The following CARS1 variants were observed in gnomAD, a reference collection of about 807,000 sequenced individuals.
CARS1 encodes the protein cysteinyl-tRNA synthetase 1.
CARS1 carries 48 observed loss-of-function variants against 106.2 expected under a neutral mutation model. The observed-to-expected ratio is 0.45, with a 90% CI of 0.36 to 0.57. The LOEUF is 0.57. Ranked by LOEUF, CARS1 falls within the 20% of genes least tolerant of loss-of-function variation. CARS1 has a pLI of 0.00. For synonymous variants in CARS1, 409 were observed against 403.4 expected (o/e 1.01, Z -0.17); for missense variants, 968 against 1,057.2 (o/e 0.92, Z 1.17).
chr11:3,041,076 T>C lies in CARS1; in HGVS notation c.367-92A>G, dbSNP rs780326843. On this transcript the variant is annotated intron_variant, in intron 3 of 22. Transcript: ENST00000380525. The surrounding 1 kb of genome is among the most constrained non-coding windows in gnomAD (Gnocchi z 4.9). ...ACAGCAACAAACATCACAGTGTGGT[T>C]TGTGTTTAGTGTAAACAATTCAACA... 5.0e-6 allele frequency: 8 copies of C among 1,602,924 alleles called. No homozygotes were observed. The highest frequency in any genetic ancestry group is 6.8e-6 in the Non-Finnish European group (8 of 1,172,912).
rs2003439 is a variant in CARS1, at chr11:3,008,488, A to G, written c.2069-1529T>C. The G allele has an allele frequency of 0.43, 65,726 of 151,294 alleles. 14,845 individuals carry two copies. Among genetic ancestry groups the G allele is most frequent in the African/African-American group, 0.55 (22,668 of 41,130 alleles). 9.4% of individuals were successfully genotyped at this position (151,294 alleles called of 1,614,324 possible). ...ACAAAAACTATCTGGGTGTGGTGGC[A>G]TGTGCCTGTAATCCCAGCTACTTGG... is the stretch of plus-strand genomic sequence containing the variant. On this transcript the variant is annotated intron_variant, in intron 18 of 22. Coordinates refer to ENST00000380525, the MANE Select transcript of CARS1 (RefSeq NM_001014437.3). The surrounding 1 kb of genome is among the most constrained non-coding windows in gnomAD (Gnocchi z 5.1).
At chr11:3,023,842 ACTT>A (rs768339254) in intron 10 of CARS1, among the ~76,000 whole-genome samples, 3 of 150,904 alleles carry the variant, frequency 2.0e-5, no homozygotes, top group East Asian at 2.0e-4. Context: ...ATTTCTTTCT[ACTT>A]CTTCTTGTTC....
Position 3,041,939 on chromosome 11 carries a change from C to G in CARS1, c.366+226G>C, listed in dbSNP as rs530273028. Among the ~76,000 whole-genome samples, 49 of 152,334 alleles carry G rather than the reference C, an allele frequency of 3.2e-4. No individual in the cohort carries two copies. Among genetic ancestry groups the G allele is most frequent in the Admixed American group, 1.0e-3 (16 of 15,302 alleles). On this transcript the variant is annotated intron_variant, in intron 3 of 22. Coordinates refer to ENST00000380525, the MANE Select transcript of CARS1 (RefSeq NM_001014437.3). This position sits in a 1 kb window ranked among gnomAD's most constrained non-coding sequence, Gnocchi z 4.9. ...CCCAGAAGTCATGGGCAGGCTTCCA[C>G]ATGAGGCATGATACTTCACGTGTCT... is the stretch of plus-strand genomic sequence containing the variant.
At chr11:3,032,983 T>C (rs998431083) in intron 7 of CARS1, among the ~76,000 whole-genome samples, 1 of 151,326 alleles carries the variant, frequency 6.6e-6, no homozygotes, top group South Asian at 2.1e-4. Context: ...GAGGTGACGG[T>C]GAGGTGGGTA....
In CARS1 at chr11:3,045,606, C is replaced by T. The variant is rs1855000568; in HGVS notation, c.274+2147G>A. Among the ~76,000 whole-genome samples, 1 of 151,710 alleles carries T rather than the reference C, an allele frequency of 6.6e-6. No individual in the cohort carries two copies. The highest frequency in any genetic ancestry group is 1.5e-5 in the Non-Finnish European group (1 of 67,904). On this transcript the variant is annotated intron_variant, in intron 2 of 22. Coordinates refer to ENST00000380525, the MANE Select transcript of CARS1 (RefSeq NM_001014437.3). The surrounding 1 kb of genome is among the most constrained non-coding windows in gnomAD (Gnocchi z 5.6). The stretch of plus-strand genomic sequence containing the variant: ...GTCTGAGAGGATCTTGGAGACAGGA[C>T]ACAGAAGGCACATGGGAGGAGCTGG...
rs1209988845 is a variant in CARS1, at chr11:3,019,733, G to A, written c.1267-466C>T. ...AAAAAAAAAAAAAAGACTAAGGATA[G>A]CCTTCTTTGGTGAAGTTCATAAACC... On this transcript the variant is annotated intron_variant, in intron 11 of 22. Coordinates refer to ENST00000380525, the MANE Select transcript of CARS1 (RefSeq NM_001014437.3). The surrounding 1 kb of genome is among the most constrained non-coding windows in gnomAD (Gnocchi z 6.2). Among the ~76,000 whole-genome samples, 3 of 151,628 alleles carry A rather than the reference G, an allele frequency of 2.0e-5. No individual in the cohort carries two copies. The highest frequency in any genetic ancestry group is 7.3e-5 in the African/African-American group (3 of 41,272).
chr11:3,005,844 T>A (rs1849813547), intron 19 of CARS1, among the ~76,000 whole-genome samples: 1 of 152,018 alleles, frequency 6.6e-6, no homozygotes, highest in African/African-American at 2.4e-5. Flanking sequence ...ACTCCTGAGC[T>A]CAGGTAATCC....
rs1855844196 is a variant in CARS1 at position 3,053,016 on chromosome 11, A to T, written c.25+4327T>A. On this transcript the variant is annotated intron_variant, in intron 1 of 22. Coordinates refer to ENST00000380525, the MANE Select transcript of CARS1 (RefSeq NM_001014437.3). This position sits in a 1 kb window ranked among gnomAD's most constrained non-coding sequence, Gnocchi z 6.6. ...GGACATGGGAATGTCCCAAAGGTGGATGGTGGTTGTCACCGGCTACAAAGG... is the reference window on the plus strand; with the variant it reads ...GGACATGGGAATGTCCCAAAGGTGGTTGGTGGTTGTCACCGGCTACAAAGG... Among the ~76,000 whole-genome samples the T allele has an allele frequency of 6.6e-6, 1 of 152,200 alleles. No homozygotes were observed.
intron 20 of CARS1, among the ~76,000 whole-genome samples, 184 bp downstream of exon 20, chr11:3,005,182 T>C (rs1392793568): frequency 6.7e-6 from 1 of 150,126 alleles, no homozygotes; most frequent in Non-Finnish European, 1.5e-5. Context: ...ACTGAGGGAA[T>C]AATCTTTTTA....
chr11:3,002,135 C>T, intron 21 of CARS1, 82 bp from the exon 22 acceptor site: 1 of 936,132 alleles, frequency 1.1e-6, no homozygotes, highest in East Asian at 2.4e-5. Context: ...GCTCATACCT[C>T]CAGCCCTCAA....
chr11:3,043,377 T>C lies in CARS1; in HGVS notation c.275-1121A>G, dbSNP rs1401024731. Among the ~76,000 whole-genome samples the C allele has an allele frequency of 2.0e-5, 3 of 152,050 alleles. No homozygotes were observed. The highest frequency in any genetic ancestry group is 4.4e-5 in the Non-Finnish European group (3 of 67,992). ...TTTCCCGTTGCCCTCAGCCGGCTCC[T>C]GCCTGCCCTGCCCCCTCAGCAGATC... On this transcript the variant is annotated intron_variant, in intron 2 of 22. Transcript: ENST00000380525. The surrounding 1 kb of genome is among the most constrained non-coding windows in gnomAD (Gnocchi z 4.0).
At chr11:3,012,154 G>C (rs1490778501) in intron 18 of CARS1, 41 bp downstream of exon 18, 5 of 1,552,354 alleles carry the variant, frequency 3.2e-6, no homozygotes, top group African/African-American at 2.7e-5. Flanking sequence ...AGCCCAGTGA[G>C]GGGAGTGGCT....
At chr11:3,026,842 GA>G (rs1565062692) in intron 9 of CARS1, 45 bp from the exon 10 acceptor site, 1 of 1,582,602 alleles carries the variant, frequency 6.3e-7, no homozygotes, top group Non-Finnish European at 8.6e-7. Context: ...TAACAGACCC[GA>G]AAGTGTGTCA....
At chr11:3,006,092 T>A (rs1362717484) in intron 19 of CARS1, among the ~76,000 whole-genome samples, 1 of 152,210 alleles carries the variant, frequency 6.6e-6, no homozygotes, top group East Asian at 1.9e-4. Context: ...GATTTGATCA[T>A]AGTACCTCAT....
rs1297011163 is a variant in CARS1, at chr11:3,041,642, C to A, written c.366+523G>T. Among the ~76,000 whole-genome samples the A allele has an allele frequency of 6.6e-6, 1 of 152,182 alleles. No individual in the cohort carries two copies. Among genetic ancestry groups the A allele is most frequent in the Non-Finnish European group, 1.5e-5 (1 of 68,034 alleles). ...TGATGGAAATCCAAGCAGCCCCGCC[C>A]AGAGCCTGGTCTGAAATCACTGGAG... On this transcript the variant is annotated intron_variant, in intron 3 of 22. Transcript: ENST00000380525. The surrounding 1 kb of genome is among the most constrained non-coding windows in gnomAD (Gnocchi z 4.9).
chr11:3,011,036 G>A (rs543545503), intron 18 of CARS1, among the ~76,000 whole-genome samples: 27 of 152,230 alleles, frequency 1.8e-4, no homozygotes, highest in Non-Finnish European at 3.2e-4. Flanking sequence ...GTGTGACCCG[G>A]CCAGGGCTCT....
At position 3,001,245 on chromosome 11, in the gene CARS1, G is replaced by A. The variant is rs1361687405; in HGVS notation, c.2365C>T (p.Leu789=). 2 of 1,613,358 alleles carry A rather than the reference G, an allele frequency of 1.2e-6. No homozygotes were observed. Among genetic ancestry groups the A allele is most frequent in the African/African-American group, 2.7e-5 (2 of 74,944 alleles). ...TTGCCCTCCATGTCATGTGTGGGCA[G>A]ACCCTGAAAACCCAGAGCACAGCGG... is the stretch of plus-strand genomic sequence containing the variant. ...DKYSKFDENG[L]PTHDMEGKEL... The change falls in exon 23 of 23, where the codon CTG becomes TTG. Residue 789 remains leucine, a synonymous_variant. Transcript: ENST00000380525.
rs1274824542 is a variant in CARS1 at position 3,034,570 on chromosome 11, G to A, written c.801+3480C>T. Among the ~76,000 whole-genome samples, 3 of 148,212 alleles carry A rather than the reference G, an allele frequency of 2.0e-5. No individual in the cohort carries two copies. Among genetic ancestry groups the A allele is most frequent in the Admixed American group, 6.7e-5 (1 of 14,930 alleles). ...TTTTGAGACGGAGTCTTGCTTCGTCGCCAGGCTGCAGTGCAACAGCACGAT... is the reference window on the plus strand; with the variant it reads ...TTTTGAGACGGAGTCTTGCTTCGTCACCAGGCTGCAGTGCAACAGCACGAT... On this transcript the variant is annotated intron_variant, in intron 7 of 22. Transcript: ENST00000380525. This position sits in a 1 kb window ranked among gnomAD's most constrained non-coding sequence, Gnocchi z 6.3.
In CARS1 at chr11:3,015,737, G is replaced by C. The variant is rs1229308024; in HGVS notation, c.1986+44C>G. The C allele has an allele frequency of 2.6e-6, 4 of 1,543,986 alleles. No individual in the cohort carries two copies. In the Admixed American group the frequency reaches 6.7e-5, roughly 26 times the overall value. Reference sequence around the variant, plus strand: ...GAGGGACACAGAGGGGTAGGGAGTGGGGAGGGAGCAGGTGCAGAAGGCAGG... The same window carrying C: ...GAGGGACACAGAGGGGTAGGGAGTGCGGAGGGAGCAGGTGCAGAAGGCAGG... On this transcript the variant is annotated intron_variant, in intron 17 of 22. Coordinates refer to ENST00000380525, the MANE Select transcript of CARS1 (RefSeq NM_001014437.3).
Sources: allele counts gnomAD v4.1 joint callset (sites outside exome capture counted in the v4.1 genomes callset), GRCh38; gene constraint gnomAD v4.1.1; non-coding constraint Gnocchi (gnomAD v3.1); transcripts MANE v1.5; gene names NCBI Gene and HGNC (gene_info 2026-07-23, HGNC 2026-07-21).